The following SACS variants were observed in gnomAD, a reference collection of about 807,000 sequenced individuals.
SACS encodes sacsin molecular chaperone, also known as sacsin.
Under a neutral mutation model 348.0 loss-of-function variants are expected in SACS, and 197 were observed. The observed-to-expected ratio is 0.57, with a 90% CI of 0.50 to 0.64. The LOEUF (loss-of-function observed/expected upper bound fraction) is 0.64. Among genes scored for constraint, SACS ranks in the 30% least tolerant of loss-of-function variants. SACS has a pLI of 0.00. For synonymous variants in SACS, 1,985 were observed against 1,910.6 expected, an observed-to-expected ratio of 1.04 and a Z score of -1.02; for missense variants, 4,999 against 5,360.8, an observed-to-expected ratio of 0.93 and a Z score of 2.11.
chr13:23,338,689 T>C lies in SACS; in HGVS notation c.5187A>G (p.Leu1729=). The part of the protein sequence containing the change: ...CSSKALNTPV[L]SVLKEAAKLM... Reference sequence around the variant, plus strand: ...GCTTAGCAGCCTCTTTTAAAACACTTAAGACAGGTGTGTTCAATGCTTTGG... The same window carrying C: ...GCTTAGCAGCCTCTTTTAAAACACTCAAGACAGGTGTGTTCAATGCTTTGG... The change falls in exon 10 of 10, where the codon TTA becomes TTG. Residue 1729 remains leucine, a synonymous_variant. Coordinates refer to ENST00000382292, the MANE Select transcript of SACS (RefSeq NM_014363.6). 2 of 1,614,028 alleles carry C rather than the reference T, an allele frequency of 1.2e-6. No individual in the cohort carries two copies. The highest frequency in any genetic ancestry group is 4.5e-5 in the East Asian group (2 of 44,890).
intron 2 of SACS, among the ~76,000 whole-genome samples, chr13:23,410,508 G>T (rs976926770): frequency 1.2e-4 from 18 of 152,106 alleles, no homozygotes; most frequent in African/African-American, 3.9e-4. Context: ...TTTATTTGTT[G>T]ATATCTTTAG....
chr13:23,366,335 G>T lies in SACS; in HGVS notation c.346-1058C>A, dbSNP rs372681302. 6.6e-5 allele frequency among the ~76,000 whole-genome samples: 10 copies of T among 152,314 alleles called. No homozygotes were observed. In the East Asian group the frequency reaches 7.7e-4, roughly 12 times the overall value. ...TCACCCAGTGCATCCCAAAGGGCTGGAGTGTGGTACCCACCAGCTGTTCCA... is the reference window on the plus strand; with the variant it reads ...TCACCCAGTGCATCCCAAAGGGCTGTAGTGTGGTACCCACCAGCTGTTCCA... On this transcript the variant is annotated intron_variant, in intron 5 of 9. Coordinates refer to ENST00000382292, the MANE Select transcript of SACS (RefSeq NM_014363.6).
chr13:23,355,019 G>A lies in SACS; in HGVS notation c.1593C>T (p.Ile531=), dbSNP rs113756713. ...SSDFPLSVDV[I]YKLWPEASKV... ...TGCTCGCCTCCGGCCAAAGCTTATA[G>A]ATAACATCAACTGACAAGGGGAAAT... Residue 531 remains isoleucine, a synonymous_variant, in exon 8 of 10, where the codon ATC becomes ATT. Coordinates refer to ENST00000382292, the MANE Select transcript of SACS (RefSeq NM_014363.6). 9.7e-4 allele frequency: 1,564 copies of A among 1,614,222 alleles called. 16 individuals are homozygous for A. In the African/African-American group the frequency reaches 0.018, roughly 18 times the overall value.
intron 1 of SACS, among the ~76,000 whole-genome samples, chr13:23,424,388 G>T (rs1021246430): frequency 1.3e-5 from 2 of 152,176 alleles, no homozygotes; most frequent in African/African-American, 4.8e-5. Flanking sequence ...AGCCGGGCAT[G>T]GTGGCGCATG....
In SACS at chr13:23,355,041, A is replaced by T; in HGVS notation, c.1571T>A (p.Phe524Tyr). 1 of 1,614,200 alleles carries T rather than the reference A, an allele frequency of 6.2e-7. No homozygotes were observed. Among genetic ancestry groups the T allele is most frequent in the Non-Finnish European group, 8.5e-7 (1 of 1,180,044 alleles). The part of the protein sequence containing the change: ...KRLEMEKSSD[F>Y]PLSVDVIYKL... ...ATAGATAACATCAACTGACAAGGGGAAATCAGAGCTCTTTTCCATCTCCAG... is the reference window on the plus strand; with the variant it reads ...ATAGATAACATCAACTGACAAGGGGTAATCAGAGCTCTTTTCCATCTCCAG... Residue 524 changes from phenylalanine to tyrosine, a missense_variant, in exon 8 of 10, where the codon TTC becomes TAC. Transcript: ENST00000382292.
chr13:23,344,667 G>A (rs1869487475), intron 9 of SACS, among the ~76,000 whole-genome samples: 1 of 152,210 alleles, frequency 6.6e-6, no homozygotes, highest in Non-Finnish European at 1.5e-5. Context: ...AATAATTTTT[G>A]TAGCAGTTTA....
intron 9 of SACS, among the ~76,000 whole-genome samples, chr13:23,352,865 C>T (rs544073447): frequency 6.6e-6 from 1 of 152,324 alleles, no homozygotes; most frequent in East Asian, 1.9e-4. Flanking sequence ...TTAACTCCAA[C>T]CTAACTTGCC....
intron 2 of SACS, among the ~76,000 whole-genome samples, chr13:23,393,431 C>CTAGG (rs1450335224): frequency 6.6e-6 from 1 of 152,158 alleles, no homozygotes; most frequent in Non-Finnish European, 1.5e-5. Context: ...GCCCCAAGCC[C>CTAGG]ACGTCCTCCC....
chr13:23,402,711 G>T (rs1349678263), intron 2 of SACS, among the ~76,000 whole-genome samples: 1 of 152,164 alleles, frequency 6.6e-6, no homozygotes, highest in East Asian at 1.9e-4. Flanking sequence ...AATCTGCCTG[G>T]TACCTTGCTT....
In SACS at chr13:23,411,251, C is replaced by T. The variant is rs759068639; in HGVS notation, c.-12G>A. On this transcript the variant is annotated 5_prime_UTR_variant, in exon 2 of 10. Transcript: ENST00000382292. The stretch of plus-strand genomic sequence containing the variant: ...TCCTTGGTCTCCATGATCACTTCTC[C>T]TGGGATATTTGTTTGTGAAAACCAT... 5 of 1,606,156 alleles carry T rather than the reference C, an allele frequency of 3.1e-6. No homozygotes were observed. In the Admixed American group the frequency reaches 5.0e-5, roughly 16 times the overall value.
intron 2 of SACS, among the ~76,000 whole-genome samples, chr13:23,389,133 G>C (rs1353283292): frequency 6.6e-6 from 1 of 151,806 alleles, no homozygotes; most frequent in Non-Finnish European, 1.5e-5. Context: ...TTACTCCTTA[G>C]TACCCTCTAC....
rs568322807 is a variant in SACS at position 23,397,506 on chromosome 13, G to T, written c.20+13714C>A. On this transcript the variant is annotated intron_variant, in intron 2 of 9. Coordinates refer to ENST00000382292, the MANE Select transcript of SACS (RefSeq NM_014363.6). The stretch of plus-strand genomic sequence containing the variant: ...AATGACAAAGTTTTCTTGGATTATT[G>T]ATCTGCTCTTAGTAACATATTTTAA... 4.9e-4 allele frequency among the ~76,000 whole-genome samples: 74 copies of T among 152,166 alleles called. 1 individual carries two copies. In the South Asian group the frequency reaches 0.013, roughly 27 times the overall value.
Position 23,416,005 on chromosome 13 carries a change from C to A in SACS, c.-501-4265G>T, listed in dbSNP as rs116085672. Among the ~76,000 whole-genome samples, 1,238 of 152,184 alleles carry A rather than the reference C, an allele frequency of 8.1e-3. 13 individuals carry two copies. The highest frequency in any genetic ancestry group is 0.028 in the African/African-American group (1,177 of 41,504). On this transcript the variant is annotated intron_variant, in intron 1 of 9. Transcript: ENST00000382292. ...TTAAGAATTTAGGAAAAAGGCCGGG[C>A]GTGGTGGCTCACGTCTGTAATCCTA...
chr13:23,335,035 G>A lies in SACS; in HGVS notation c.8841C>T (p.Thr2947=). ...AAGTGTCCTTTACAACATGAATAGG[G>A]GTGTTCTGTAACACTGATAATGTTG... ...SDPTLSVLQN[T]PIHVVKDTLK... The change falls in exon 10 of 10, where the codon ACC becomes ACT. Residue 2947 remains threonine (T), a synonymous_variant. Transcript: ENST00000382292. This position sits in a 1 kb window ranked among gnomAD's most constrained non-coding sequence, Gnocchi z 4.7. 2 of 1,613,344 alleles carry A rather than the reference G, an allele frequency of 1.2e-6. No individual in the cohort carries two copies. Among genetic ancestry groups the A allele is most frequent in the South Asian group, 2.2e-5 (2 of 91,016 alleles).
At chr13:23,365,141 T>G in intron 6 of SACS, 25 bp downstream of exon 6, 4 of 1,478,368 alleles carry the variant, frequency 2.7e-6, no homozygotes, top group Non-Finnish European at 3.8e-6. Context: ...TACAATAAAA[T>G]TTGTTCCTAA....
chr13:23,390,968 A>G (rs1872508320), intron 2 of SACS, among the ~76,000 whole-genome samples: 1 of 152,196 alleles, frequency 6.6e-6, no homozygotes, highest in Admixed American at 6.5e-5. Context: ...CCAGGTGACC[A>G]CCATGCTGTC....
chr13:23,353,980 T>C, intron 8 of SACS, 104 bp from the exon 9 acceptor site: 1 of 747,714 alleles, frequency 1.3e-6, no homozygotes, highest in Admixed American at 2.0e-5. Context: ...CTATTTTATT[T>C]TACATAAATT....
In SACS at chr13:23,333,685, A is replaced by G. The variant is rs1289389815; in HGVS notation, c.10191T>C (p.His3397=). 28 of 1,613,680 alleles carry G rather than the reference A, an allele frequency of 1.7e-5. No homozygotes were observed. The highest frequency in any genetic ancestry group is 2.3e-5 in the Non-Finnish European group (27 of 1,179,764). ...LLMYFNCNLN[H]LMSQDDIKIL... ...TTTTTATATCATCTTGGGACATCAA[A>G]TGATTCAAATTGCAGTTGAAATACA... The change falls in exon 10 of 10, where the codon CAT becomes CAC. Residue 3397 remains histidine (H), a synonymous_variant. Transcript: ENST00000382292.
At chr13:23,345,074 A>G (rs1869511505) in intron 9 of SACS, among the ~76,000 whole-genome samples, 1 of 152,210 alleles carries the variant, frequency 6.6e-6, no homozygotes, top group African/African-American at 2.4e-5. Flanking sequence ...TCCAGTCTCC[A>G]GCTGGCTACA....
Sources: allele counts gnomAD v4.1 joint callset (sites outside exome capture counted in the v4.1 genomes callset), GRCh38; gene constraint gnomAD v4.1.1; non-coding constraint Gnocchi (gnomAD v3.1); transcripts MANE v1.5; gene names NCBI Gene and HGNC (gene_info 2026-07-23, HGNC 2026-07-21).